Variants in SAMD5 observed in about 807,000 individuals in gnomAD.
The protein encoded by SAMD5 is sterile alpha motif domain containing 5, also known as sterile alpha motif domain-containing protein 5.
A neutral mutation model predicts 11.3 loss-of-function variants in SAMD5; 13 were observed. The ratio of observed to expected loss-of-function variants is 1.15; its 90% CI spans 0.75 to 1.83. SAMD5 has a LOEUF of 1.83. Ranked by LOEUF, SAMD5 falls within the 40% of genes most tolerant of loss-of-function variation. SAMD5 has a pLI of 0.00. For missense variants in SAMD5, 255 were observed against 239.1 expected, an observed-to-expected ratio of 1.07 and a Z score of -0.44; for synonymous variants, 129 against 111.3, an observed-to-expected ratio of 1.16 and a Z score of -1.00.
At chr6:147,921,433 C>A in the SAMD5 span, among the ~76,000 whole-genome samples, 1 of 152,224 alleles carries the variant, frequency 6.6e-6, no homozygotes, top group Admixed American at 6.5e-5. Flanking sequence ...GCCACCACAG[C>A]CCTCACAGCT....
At chr6:147,715,359 C>T (rs1459925427) in intron 1 of SAMD5, among the ~76,000 whole-genome samples, 1 of 152,154 alleles carries the variant, frequency 6.6e-6, no homozygotes, top group East Asian at 1.9e-4. Flanking sequence ...CTCCAGGCAC[C>T]AGCATGGGTG....
intron 1 of SAMD5, among the ~76,000 whole-genome samples, chr6:147,661,728 T>C (rs12660262): frequency 0.089 from 13,537 of 152,152 alleles, 893 homozygotes; most frequent in East Asian, 0.26. Flanking sequence ...CTCCCGGGTT[T>C]AAGCGATTCT....
the SAMD5 span, among the ~76,000 whole-genome samples, chr6:147,951,669 T>G: frequency 1.5e-3 from 233 of 152,272 alleles, no homozygotes; most frequent in Middle Eastern, 3.4e-3. Context: ...TTATTTTATT[T>G]GGTGGCTTAT....
intron 1 of SAMD5, among the ~76,000 whole-genome samples, chr6:147,686,507 C>G (rs1402936607): frequency 6.6e-6 from 1 of 152,122 alleles, no homozygotes; most frequent in Non-Finnish European, 1.5e-5. Flanking sequence ...TTGACCTAGT[C>G]TCATGTATTT....
chr6:147,855,644 T>C, the SAMD5 span, among the ~76,000 whole-genome samples: 3 of 152,110 alleles, frequency 2.0e-5, no homozygotes, highest in Admixed American at 6.6e-5. Flanking sequence ...ATATTAGAAT[T>C]TGTTTGGGTT....
the SAMD5 span, among the ~76,000 whole-genome samples, chr6:147,939,250 C>G: frequency 2.6e-5 from 4 of 152,158 alleles, no homozygotes; most frequent in Admixed American, 2.0e-4. Flanking sequence ...CTGAAGGTCT[C>G]TGAACCCCAT....
intron 1 of SAMD5, among the ~76,000 whole-genome samples, chr6:147,681,991 A>C (rs754935118): frequency 2.6e-5 from 4 of 152,158 alleles, no homozygotes; most frequent in Non-Finnish European, 5.9e-5. Flanking sequence ...TGTACTAATC[A>C]GTACTTAGCT....
At chr6:147,867,252 C>T in the SAMD5 span, among the ~76,000 whole-genome samples, 1 of 149,682 alleles carries the variant, frequency 6.7e-6, no homozygotes. Flanking sequence ...GACAATTAAC[C>T]ATACTGTAGC....
the SAMD5 span, among the ~76,000 whole-genome samples, chr6:147,779,261 T>C: frequency 2.6e-5 from 4 of 152,284 alleles, no homozygotes; most frequent in Admixed American, 2.6e-4. Context: ...TCCTTGAAAC[T>C]GCTGCTAGTT....
chr6:147,915,610 T>C, the SAMD5 span, among the ~76,000 whole-genome samples: 1 of 152,090 alleles, frequency 6.6e-6, no homozygotes, highest in South Asian at 2.1e-4. Flanking sequence ...CCCTACAGAG[T>C]ATGCATTCAA....
Position 147,509,249 on chromosome 6 carries a change from C to T in SAMD5, c.321C>T (p.Arg107=), listed in dbSNP as rs1162142148. 6.6e-7 allele frequency: 1 copy of T among 1,514,014 alleles called. No homozygotes were observed. Among genetic ancestry groups the T allele is most frequent in the Admixed American group, 2.2e-5 (1 of 46,020 alleles). 93.8% of individuals were successfully genotyped at this position (1,514,014 alleles called of 1,614,324 possible). A position where few individuals can be genotyped will look rare whatever the true frequency, so the allele number is the denominator to read the frequency against. ...GCGGCGGCCCGGCCCAGGGCACCCGCGGGGACTCTCGCGGCCACACGACCG... is the reference window on the plus strand; with the variant it reads ...GCGGCGGCCCGGCCCAGGGCACCCGTGGGGACTCTCGCGGCCACACGACCG... ...EPCGGPAQGT[R]GDSRGHTTAP... is the part of the protein sequence containing the mutation. Residue 107 remains arginine (R), a synonymous_variant, in exon 1 of 2, where the codon CGC becomes CGT. Coordinates refer to ENST00000367474, the MANE Select transcript of SAMD5 (RefSeq NM_001030060.3).
chr6:147,737,135 G>T (rs973465841), intron 1 of SAMD5, among the ~76,000 whole-genome samples: 1 of 152,014 alleles, frequency 6.6e-6, no homozygotes, highest in African/African-American at 2.4e-5. Context: ...TGTTACATAT[G>T]TGTTATACTA....
the SAMD5 span, among the ~76,000 whole-genome samples, chr6:147,875,098 A>AAAT: frequency 1.3e-5 from 2 of 152,178 alleles, no homozygotes; most frequent in Non-Finnish European, 2.9e-5. Flanking sequence ...TCTTCATTTA[A>AAAT]AATAATAATA....
intron 1 of SAMD5, among the ~76,000 whole-genome samples, chr6:147,608,495 G>A (rs557546240): frequency 6.6e-6 from 1 of 152,262 alleles, no homozygotes; most frequent in African/African-American, 2.4e-5. Context: ...GCAACAAAAT[G>A]GCTGGAACCA....
At chr6:147,771,645 C>T in the SAMD5 span, among the ~76,000 whole-genome samples, 2 of 152,226 alleles carry the variant, frequency 1.3e-5, no homozygotes, top group East Asian at 3.9e-4. Flanking sequence ...TTTTGACAGG[C>T]TTCAGTCAAA....
At chr6:147,645,880 A>G (rs959492413) in intron 1 of SAMD5, among the ~76,000 whole-genome samples, 1 of 152,304 alleles carries the variant, frequency 6.6e-6, no homozygotes, top group Admixed American at 6.5e-5. Flanking sequence ...AATGAAATAC[A>G]TCCACGGGCC....
At chr6:147,649,439 C>A (rs1790451387) in intron 1 of SAMD5, among the ~76,000 whole-genome samples, 1 of 152,050 alleles carries the variant, frequency 6.6e-6, no homozygotes, top group Non-Finnish European at 1.5e-5. Context: ...TTCAAAATAG[C>A]TTCATTATTT....
At chr6:147,558,573 C>T (rs4896924) in intron 1 of SAMD5, among the ~76,000 whole-genome samples, 43,620 of 151,928 alleles carry the variant, frequency 0.29, 7,204 homozygotes, top group Non-Finnish European at 0.37. Context: ...TGTCACAGCT[C>T]TCTTGGTGGC....
At chr6:147,673,207 AG>A (rs1790817480) in intron 1 of SAMD5, among the ~76,000 whole-genome samples, 1 of 150,996 alleles carries the variant, frequency 6.6e-6, no homozygotes, top group Non-Finnish European at 1.5e-5. Context: ...GATACCAAAA[AG>A]CAAAAACCAT....
Sources: gnomAD v4.1 joint callset for allele counts (sites outside exome capture counted in the v4.1 genomes callset) on GRCh38, gnomAD v4.1.1 for gene constraint, MANE v1.5 for transcripts, NCBI Gene and HGNC (gene_info 2026-07-23, HGNC 2026-07-21) for gene names.